Variants in KANSL1 observed in about 807,000 individuals in gnomAD.
KANSL1 encodes KAT8 regulatory NSL complex subunit 1.
KANSL1 carries 22 observed loss-of-function variants against 103.6 expected under a neutral mutation model. That is an observed-to-expected ratio of 0.21 (90% CI 0.15 to 0.30). The LOEUF (loss-of-function observed/expected upper bound fraction) is 0.30. Among genes scored for constraint, KANSL1 ranks in the 10% least tolerant of loss-of-function variants. The probability of loss-of-function intolerance (pLI) is 1.00; values close to 1 mark genes in which losing one functional copy is unlikely to be tolerated. For missense variants in KANSL1, 1,337 were observed against 1,399.8 expected, an observed-to-expected ratio of 0.96 and a Z score of 0.72; for synonymous variants, 600 against 527.6, an observed-to-expected ratio of 1.14 and a Z score of -1.88.
rs573742079 is a variant in KANSL1 at position 46,198,944 on chromosome 17, A to G, written c.-90+24727T>C. ...TATTAAGCTCAAGAATTTATTCTAG[A>G]TATCACAGAAATGAACACATAAACC... On this transcript the variant is annotated intron_variant, in intron 1 of 14. Transcript: ENST00000572904. Among the ~76,000 whole-genome samples, 47 of 152,356 alleles carry G rather than the reference A, an allele frequency of 3.1e-4. No individual in the cohort carries two copies. The South Asian group carries it at 9.7e-3, about 32-fold the overall frequency.
At chr17:46,032,331 TG>T (rs768133827) in intron 13 of KANSL1, 32 bp from the exon 14 acceptor site, 17 of 1,490,638 alleles carry the variant, frequency 1.1e-5, no homozygotes, top group Admixed American at 2.3e-5. Flanking sequence ...TCTGAGTGCC[TG>T]GGAAATGTTT....
At position 46,192,598 on chromosome 17, in the gene KANSL1, T is replaced by A. The variant is rs11079733; in HGVS notation, c.-90+225A>T. On this transcript the variant is annotated intron_variant, in intron 1 of 14. Coordinates refer to ENST00000432791, the MANE Select transcript of KANSL1 (RefSeq NM_015443.4). ...AGCTGGCGAACGAGGCGGCAGCTCC[T>A]GGGGAAGGGCCCCCGCACACCCCCG... 0.14 allele frequency: 22,069 copies of A among 152,932 alleles called. 2,150 individuals are homozygous for A. The highest frequency in any genetic ancestry group is 0.22 in the Non-Finnish European group (14,884 of 68,210). The allele number at this position is 152,932 out of a possible 1,614,324, so 9.5% of individuals were successfully genotyped here.
At chr17:46,153,272 C>G (rs1282362326) in intron 2 of KANSL1, among the ~76,000 whole-genome samples, 1 of 152,182 alleles carries the variant, frequency 6.6e-6, no homozygotes, top group Non-Finnish European at 1.5e-5. Flanking sequence ...AATTATAAAA[C>G]TATTAGAGCT....
At chr17:46,049,125 T>A (rs1053828809) in intron 7 of KANSL1, among the ~76,000 whole-genome samples, 1 of 152,056 alleles carries the variant, frequency 6.6e-6, no homozygotes, top group Admixed American at 6.5e-5. Context: ...CTGAGTTATC[T>A]CTATTTTATT....
chr17:46,045,311 T>G (rs1030008308), intron 7 of KANSL1: 1 of 152,182 alleles, frequency 6.6e-6, no homozygotes, highest in Non-Finnish European at 1.5e-5. Flanking sequence ...ATGTGGCAGT[T>G]GTTTGGGTCA....
intron 7 of KANSL1, chr17:46,040,781 G>A (rs1334833526): frequency 2.0e-5 from 3 of 152,176 alleles, no homozygotes; most frequent in South Asian, 4.1e-4. Flanking sequence ...TCTTTCAATC[G>A]ACTGACGTGG....
intron 2 of KANSL1, among the ~76,000 whole-genome samples, chr17:46,106,952 C>A (rs1460766896): frequency 6.6e-6 from 1 of 152,116 alleles, no homozygotes; most frequent in African/African-American, 2.4e-5. Context: ...GCAAATAACA[C>A]AAGAGGCAAT....
intron 1 of KANSL1, among the ~76,000 whole-genome samples, chr17:46,191,962 A>G (rs1179844627): frequency 2.7e-5 from 4 of 149,308 alleles, no homozygotes; most frequent in Admixed American, 6.6e-5. Context: ...AGTTTTATTA[A>G]TAAGTCACAG....
chr17:46,184,658 C>T (rs1204391361), intron 1 of KANSL1, among the ~76,000 whole-genome samples: 4 of 152,146 alleles, frequency 2.6e-5, no homozygotes, highest in African/African-American at 9.7e-5. Context: ...ACTCATGCTA[C>T]TCTTTCACGG....
At chr17:46,105,905 T>TGAGACA (rs1286837544) in intron 2 of KANSL1, among the ~76,000 whole-genome samples, 1 of 80,832 alleles carries the variant, frequency 1.2e-5, no homozygotes, top group African/African-American at 6.6e-5. Flanking sequence ...AGCAAGGCCT[T>TGAGACA]GACACACACA....
chr17:46,155,605 T>G (rs1208079754), intron 2 of KANSL1, among the ~76,000 whole-genome samples: 1 of 152,212 alleles, frequency 6.6e-6, no homozygotes, highest in Non-Finnish European at 1.5e-5. Flanking sequence ...ATTCTTACAG[T>G]GCACAGAATA....
chr17:46,211,159 C>G (rs2048155938), intron 1 of KANSL1, among the ~76,000 whole-genome samples: 1 of 147,212 alleles, frequency 6.8e-6, no homozygotes, highest in Non-Finnish European at 1.5e-5. Context: ...AGACTCATGC[C>G]TTCAAGTCAA....
intron 2 of KANSL1, among the ~76,000 whole-genome samples, chr17:46,132,619 T>C (rs56119705): frequency 0.14 from 21,676 of 151,994 alleles, 2,124 homozygotes; most frequent in Non-Finnish European, 0.22. Context: ...TGTTAGAGAA[T>C]TGCTGCCCTA....
chr17:46,142,593 A>G (rs1450015741), intron 2 of KANSL1, among the ~76,000 whole-genome samples: 1 of 152,284 alleles, frequency 6.6e-6, no homozygotes, highest in Non-Finnish European at 1.5e-5. Flanking sequence ...TGGGCAACAG[A>G]GCAAGACTGC....
intron 2 of KANSL1, among the ~76,000 whole-genome samples, chr17:46,149,858 C>CA (rs67220813): frequency 0.027 from 3,680 of 137,230 alleles, 149 homozygotes; most frequent in African/African-American, 0.092. Context: ...ACTAAAAATA[C>CA]AAAAAAAAAA....
chr17:46,120,939 T>C (rs2043252556), intron 2 of KANSL1, among the ~76,000 whole-genome samples: 1 of 152,310 alleles, frequency 6.6e-6, no homozygotes, highest in Non-Finnish European at 1.5e-5. Flanking sequence ...TCTTCTCCCC[T>C]GCTCCCACCT....
chr17:46,129,012 G>C (rs2043713595), intron 2 of KANSL1, among the ~76,000 whole-genome samples: 1 of 152,156 alleles, frequency 6.6e-6, no homozygotes, highest in Non-Finnish European at 1.5e-5. Context: ...GTCAAATGAG[G>C]AATGTTATTT....
intron 3 of KANSL1, among the ~76,000 whole-genome samples, chr17:46,089,397 A>T (rs1248587188): frequency 7.1e-6 from 1 of 141,760 alleles, no homozygotes; most frequent in African/African-American, 2.5e-5. Context: ...AGTCACAAAT[A>T]CTTTTTTTTT....
chr17:46,220,652 T>C (rs1050694190), intron 1 of KANSL1, among the ~76,000 whole-genome samples: 25 of 152,402 alleles, frequency 1.6e-4, no homozygotes, highest in African/African-American at 5.5e-4. Flanking sequence ...AGGTAACCAG[T>C]GCCACCATTT....
Sources: allele counts gnomAD v4.1 joint callset (sites outside exome capture counted in the v4.1 genomes callset), GRCh38; gene constraint gnomAD v4.1.1; transcripts MANE v1.5; gene names NCBI Gene and HGNC (gene_info 2026-07-23, HGNC 2026-07-21).